MKLN1: variants seen among roughly 807,000 people sequenced by gnomAD.
MKLN1 encodes muskelin 1.
A neutral mutation model predicts 99.0 loss-of-function variants in MKLN1; 18 were observed. The ratio of observed to expected loss-of-function variants is 0.18; its 90% CI spans 0.13 to 0.27. MKLN1 has a LOEUF of 0.27. MKLN1 is among the 10% of genes least tolerant of loss of function. MKLN1 has a pLI of 1.00. For synonymous variants in MKLN1, 288 were observed against 293.2 expected, an observed-to-expected ratio of 0.98 and a Z score of 0.18; for missense variants, 621 against 875.9, an observed-to-expected ratio of 0.71 and a Z score of 3.67.
intron 16 of MKLN1, among the ~76,000 whole-genome samples, chr7:131,476,689 G>A (rs1796976868): frequency 6.6e-6 from 1 of 152,172 alleles, no homozygotes; most frequent in Non-Finnish European, 1.5e-5. Context: ...TTTTAATGCA[G>A]TGTAAGTTTG....
At chr7:131,129,257 T>C (rs1219859045) in intron 1 of MKLN1, among the ~76,000 whole-genome samples, 2 of 152,180 alleles carry the variant, frequency 1.3e-5, no homozygotes, top group South Asian at 2.1e-4. Context: ...TCATACCACA[T>C]TGGGAATATA....
rs138059508 is a variant in MKLN1 at position 131,254,881 on chromosome 7, G to A, written c.-179+51907G>A. 1.4e-3 allele frequency among the ~76,000 whole-genome samples: 219 copies of A among 151,958 alleles called. 2 individuals carry two copies. In the East Asian group the frequency reaches 0.034, roughly 23 times the overall value. On this transcript the variant is annotated intron_variant, in intron 3 of 7. Transcript: ENST00000416992. ...AGAGAGAGGAGCGGAAAAAAATTTC[G>A]AAGAAACAATGGCTGAAATTTTTTT...
Position 131,496,460 on chromosome 7 carries a change from A to G in MKLN1, c.*8732A>G, listed in dbSNP as rs1458686107. On this transcript the variant is annotated 3_prime_UTR_variant, in exon 18 of 18. Coordinates refer to ENST00000352689, the MANE Select transcript of MKLN1 (RefSeq NM_013255.5). ...TTTAGGATTTTTTTTTTCTTATAGT[A>G]CAAATAATTTTCAGATCCCAGCTTT... 2.0e-5 allele frequency: 3 copies of G among 151,734 alleles called. No homozygotes were observed. The highest frequency in any genetic ancestry group is 7.3e-5 in the African/African-American group (3 of 41,196). The allele number at this position is 151,734 out of a possible 1,614,324, so 9.4% of individuals were successfully genotyped here.
At chr7:131,141,729 A>G (rs985013240) in intron 1 of MKLN1, among the ~76,000 whole-genome samples, 19 of 151,938 alleles carry the variant, frequency 1.3e-4, no homozygotes, top group African/African-American at 4.6e-4. Flanking sequence ...CTAACTTCCA[A>G]TTTTCCCTAA....
intron 12 of MKLN1, among the ~76,000 whole-genome samples, chr7:131,462,523 C>G (rs961889606): frequency 3.3e-5 from 5 of 152,140 alleles, no homozygotes; most frequent in African/African-American, 1.2e-4. Flanking sequence ...AAAGCATTAT[C>G]CTTTCCTTCC....
chr7:131,219,492 T>C (rs751084824), intron 3 of MKLN1, among the ~76,000 whole-genome samples: 6 of 152,182 alleles, frequency 3.9e-5, no homozygotes, highest in Non-Finnish European at 7.3e-5. Context: ...ACACCAACTA[T>C]TCTTTACTTC....
chr7:131,276,559 G>C (rs1797978830), intron 3 of MKLN1, among the ~76,000 whole-genome samples: 1 of 152,106 alleles, frequency 6.6e-6, no homozygotes. Flanking sequence ...GGCACAGTGT[G>C]GTTCACCATT....
intron 3 of MKLN1, among the ~76,000 whole-genome samples, chr7:131,243,393 C>A (rs530335209): frequency 1.3e-5 from 2 of 152,152 alleles, no homozygotes; most frequent in Non-Finnish European, 2.9e-5. Flanking sequence ...AATGTGTGAA[C>A]CTGGACTCTG....
chr7:131,436,399 T>C lies in MKLN1; in HGVS notation c.961-1386T>C, dbSNP rs142749207. ...GTGTCCACTTTATACATCAATTCTG[T>C]TATTTCTGCAGGAAGAACTCTTCAT... On this transcript the variant is annotated intron_variant, in intron 9 of 17. Transcript: ENST00000352689. Among the ~76,000 whole-genome samples, 990 of 152,314 alleles carry C rather than the reference T, an allele frequency of 6.5e-3. 9 individuals carry two copies. The highest frequency in any genetic ancestry group is 0.023 in the African/African-American group (960 of 41,568).
chr7:131,173,893 G>C (rs1480797633), intron 2 of MKLN1, among the ~76,000 whole-genome samples: 1 of 150,888 alleles, frequency 6.6e-6, no homozygotes, highest in Non-Finnish European at 1.5e-5. Context: ...AGATTTTCTT[G>C]TAACCAGAAG....
At chr7:131,191,201 G>A (rs1382240991) in intron 2 of MKLN1, among the ~76,000 whole-genome samples, 2 of 152,238 alleles carry the variant, frequency 1.3e-5, no homozygotes, top group Non-Finnish European at 2.9e-5. Context: ...AGAACTGGAT[G>A]TTTTCTGGAG....
chr7:131,380,502 A>T (rs1279431103), intron 2 of MKLN1, among the ~76,000 whole-genome samples: 1 of 152,228 alleles, frequency 6.6e-6, no homozygotes, highest in African/African-American at 2.4e-5. Context: ...ATAAGAATGT[A>T]TGCAAAAGCA....
At chr7:131,430,108 T>C (rs140805023) in intron 9 of MKLN1, among the ~76,000 whole-genome samples, 1 of 152,296 alleles carries the variant, frequency 6.6e-6, no homozygotes, top group East Asian at 1.9e-4. Context: ...TTTCAGGATA[T>C]AAAGTGACAA....
chr7:131,277,855 T>C (rs1201176076), intron 3 of MKLN1, among the ~76,000 whole-genome samples: 1 of 152,198 alleles, frequency 6.6e-6, no homozygotes, highest in East Asian at 1.9e-4. Flanking sequence ...ACAAATTATA[T>C]GAATGTATTA....
chr7:131,327,080 T>C (rs1798907220), upstream of MKLN1: 1 of 152,340 alleles, frequency 6.6e-6, no homozygotes, highest in African/African-American at 2.4e-5. Context: ...GGGCTGCTGT[T>C]CCCTCTAAGA....
chr7:131,234,079 A>G (rs1376720514), intron 3 of MKLN1, among the ~76,000 whole-genome samples: 1 of 152,278 alleles, frequency 6.6e-6, no homozygotes, highest in Middle Eastern at 3.4e-3. Flanking sequence ...TCCCGGGTTC[A>G]AGCGATTCTC....
chr7:131,152,757 C>A (rs1239451891), intron 2 of MKLN1, among the ~76,000 whole-genome samples: 1 of 151,946 alleles, frequency 6.6e-6, no homozygotes, highest in Non-Finnish European at 1.5e-5. Flanking sequence ...CTCGGCCTCC[C>A]AAAGTATAAC....
chr7:131,214,369 G>A (rs1796948613), intron 3 of MKLN1, among the ~76,000 whole-genome samples: 1 of 152,164 alleles, frequency 6.6e-6, no homozygotes, highest in South Asian at 2.1e-4. Flanking sequence ...GGGATGGGGT[G>A]GGTAAGTTTT....
At chr7:131,328,122 C>T (rs1274519235) in intron 1 of MKLN1, 125 bp downstream of exon 1, 4 of 1,181,760 alleles carry the variant, frequency 3.4e-6, no homozygotes, top group South Asian at 1.4e-5. Context: ...GGACGTGCGG[C>T]CTCCGGAGTC....
Sources: allele counts gnomAD v4.1 joint callset (sites outside exome capture counted in the v4.1 genomes callset), GRCh38; gene constraint gnomAD v4.1.1; transcripts MANE v1.5; gene names NCBI Gene and HGNC (gene_info 2026-07-23, HGNC 2026-07-21).